Variants in TNNI3K observed in about 807,000 individuals in gnomAD.
TNNI3K encodes serine/threonine-protein kinase TNNI3K.
TNNI3K carries 140 observed loss-of-function variants against 114.5 expected under a neutral mutation model. The observed-to-expected ratio is 1.22, with a 90% confidence interval of 1.07 to 1.41. The LOEUF is 1.41. Ranked by LOEUF, TNNI3K falls within the 40% of genes most tolerant of loss-of-function variation. The probability of loss-of-function intolerance (pLI) is 0.00; values close to 1 mark genes in which losing one functional copy is unlikely to be tolerated. For synonymous variants in TNNI3K, 347 were observed against 347.5 expected, an observed-to-expected ratio of 1.00 and a Z score of 0.02; for missense variants, 1,125 against 1,007.6, an observed-to-expected ratio of 1.12 and a Z score of -1.58.
intron 17 of TNNI3K, among the ~76,000 whole-genome samples, chr1:74,423,239 G>A (rs1665483551): frequency 6.6e-6 from 1 of 150,394 alleles, no homozygotes; most frequent in Non-Finnish European, 1.5e-5. Flanking sequence ...GTCTCTCCAT[G>A]TTCCAGACTT....
intron 5 of TNNI3K, among the ~76,000 whole-genome samples, chr1:74,284,798 C>G (rs1296298702): frequency 6.6e-6 from 1 of 152,218 alleles, no homozygotes; most frequent in East Asian, 1.9e-4. Flanking sequence ...ATAACTCCCA[C>G]AAGCTTAGCG....
chr1:74,532,829 T>C (rs1459718924), intron 23 of TNNI3K, among the ~76,000 whole-genome samples: 2 of 152,090 alleles, frequency 1.3e-5, no homozygotes, highest in Admixed American at 1.3e-4. Flanking sequence ...ATTCCCTATT[T>C]AATAAATGGT....
intron 21 of TNNI3K, among the ~76,000 whole-genome samples, chr1:74,483,970 A>G (rs1668625373): frequency 6.6e-6 from 1 of 152,122 alleles, no homozygotes; most frequent in African/African-American, 2.4e-5. Context: ...GTTTTTACTG[A>G]CTATATTATC....
intron 20 of TNNI3K, among the ~76,000 whole-genome samples, chr1:74,463,004 AC>A (rs1181903196): frequency 1.3e-5 from 2 of 152,230 alleles, no homozygotes; most frequent in African/African-American, 4.8e-5. Flanking sequence ...CTCAAGTGAT[AC>A]AGGTGCTATG....
At chr1:74,299,391 A>G (rs1007395953) in intron 5 of TNNI3K, among the ~76,000 whole-genome samples, 1 of 144,922 alleles carries the variant, frequency 6.9e-6, no homozygotes, top group Non-Finnish European at 1.5e-5. Flanking sequence ...GCAAACATAT[A>G]TCAAATAAGT....
intron 23 of TNNI3K, among the ~76,000 whole-genome samples, chr1:74,505,788 C>A (rs1037079131): frequency 6.6e-6 from 1 of 151,918 alleles, no homozygotes; most frequent in Non-Finnish European, 1.5e-5. Flanking sequence ...AATACTGGAC[C>A]CAGGAAGAAA....
intron 20 of TNNI3K, among the ~76,000 whole-genome samples, chr1:74,453,489 A>G (rs1279505226): frequency 2.0e-5 from 3 of 152,192 alleles, no homozygotes; most frequent in African/African-American, 4.8e-5. Flanking sequence ...AAAGTGAGAC[A>G]GCATTATCAA....
chr1:74,488,932 A>T (rs1668901533), intron 21 of TNNI3K, among the ~76,000 whole-genome samples: 1 of 152,224 alleles, frequency 6.6e-6, no homozygotes, highest in South Asian at 2.1e-4. Context: ...AAAGCTAATT[A>T]AAGCTTTTCC....
At chr1:74,251,549 T>C (rs1654928929) in intron 4 of TNNI3K, among the ~76,000 whole-genome samples, 1 of 152,240 alleles carries the variant, frequency 6.6e-6, no homozygotes, top group Non-Finnish European at 1.5e-5. Flanking sequence ...AATATTAGAA[T>C]AGTGATTAAA....
intron 21 of TNNI3K, chr1:74,480,431 A>G (rs905200054): frequency 5.6e-6 from 4 of 717,458 alleles, no homozygotes; most frequent in Non-Finnish European, 1.0e-5. Flanking sequence ...ATCTAAGCTC[A>G]GAAGGATTAA....
rs200598601 is a variant in TNNI3K, at chr1:74,463,467, C to T, written c.2038C>T (p.His680Tyr). 2 of 1,614,058 alleles carry T rather than the reference C, an allele frequency of 1.2e-6. No individual in the cohort carries two copies. The highest frequency in any genetic ancestry group is 1.7e-6 in the Non-Finnish European group (2 of 1,180,042). The change falls in exon 21 of 25, where the codon CAC (histidine) becomes TAC (tyrosine). Residue 680 changes from histidine to tyrosine, a missense_variant. Physicochemically the swap from His to Tyr is moderately conservative, Grantham distance 83. Transcript: ENST00000326637. ...GGCTGCGGCAGCAGACATGGCTTACCACCACATCAGACCTCCCATTGGCTA... is the reference window on the plus strand; with the variant it reads ...GGCTGCGGCAGCAGACATGGCTTACTACCACATCAGACCTCCCATTGGCTA... ...PAAAAADMAY[H>Y]HIRPPIGYSI... is the part of the protein sequence containing the mutation.
At chr1:74,375,873 A>G (rs896886098) in intron 17 of TNNI3K, 17 of 252,786 alleles carry the variant, frequency 6.7e-5, no homozygotes, top group African/African-American at 3.1e-4. Flanking sequence ...AATCAAATCT[A>G]TCTAGGCACC....
At chr1:74,540,669 G>C (rs1646716199) in intron 24 of TNNI3K, among the ~76,000 whole-genome samples, 1 of 151,240 alleles carries the variant, frequency 6.6e-6, no homozygotes, top group Non-Finnish European at 1.5e-5. Context: ...ATTTTATTAA[G>C]TCCGTTGCTT....
At chr1:74,290,608 G>C (rs1047162646) in intron 5 of TNNI3K, among the ~76,000 whole-genome samples, 1 of 151,682 alleles carries the variant, frequency 6.6e-6, no homozygotes, top group Non-Finnish European at 1.5e-5. Context: ...ACATGACATT[G>C]TACAAGATTA....
chr1:74,544,001 T>C lies in TNNI3K; in HGVS notation c.*19T>C, dbSNP rs1192206043. ...CAGCTGACAGCATTCGGCGTATACC[T>C]AAGGAGAGTTTTTTCCCCGAACTGA... On this transcript the variant is annotated 3_prime_UTR_variant, in exon 25 of 25. Coordinates refer to ENST00000326637, the MANE Select transcript of TNNI3K (RefSeq NM_015978.3). 6.2e-7 allele frequency: 1 copy of C among 1,603,856 alleles called. No individual in the cohort carries two copies. Among genetic ancestry groups the C allele is most frequent in the African/African-American group, 1.3e-5 (1 of 74,558 alleles).
At chr1:74,446,681 G>T (rs1455242725) in intron 20 of TNNI3K, among the ~76,000 whole-genome samples, 1 of 147,390 alleles carries the variant, frequency 6.8e-6, no homozygotes, top group Non-Finnish European at 1.5e-5. Context: ...TAGGTCTAAC[G>T]TTTAAATCTT....
intron 20 of TNNI3K, among the ~76,000 whole-genome samples, chr1:74,461,537 T>C (rs192004189): frequency 6.6e-6 from 1 of 151,832 alleles, no homozygotes; most frequent in Admixed American, 6.6e-5. Context: ...GCCTAATTTT[T>C]TGTGACACAG....
At chr1:74,321,027 C>T (rs1261762649) in intron 5 of TNNI3K, among the ~76,000 whole-genome samples, 3 of 152,102 alleles carry the variant, frequency 2.0e-5, no homozygotes, top group African/African-American at 7.2e-5. Flanking sequence ...CAAGTTTGAG[C>T]AGTTGCAATG....
chr1:74,363,930 A>AAT (rs1662113393), intron 11 of TNNI3K, among the ~76,000 whole-genome samples: 1 of 149,330 alleles, frequency 6.7e-6, no homozygotes, highest in African/African-American at 2.5e-5. Flanking sequence ...AAATAAAAAA[A>AAT]AACCTTAGAA....
Sources: gnomAD v4.1 joint callset for allele counts (sites outside exome capture counted in the v4.1 genomes callset) on GRCh38, gnomAD v4.1.1 for gene constraint, MANE v1.5 for transcripts, NCBI Gene and HGNC (gene_info 2026-07-23, HGNC 2026-07-21) for gene names.